Variants in SKAP1 observed in about 807,000 individuals in gnomAD.
SKAP1 encodes src kinase associated phosphoprotein 1.
Under a neutral mutation model 58.5 loss-of-function variants are expected in SKAP1, and 44 were observed. The ratio of observed to expected loss-of-function variants is 0.75; its 90% CI spans 0.59 to 0.97. The LOEUF (loss-of-function observed/expected upper bound fraction) is 0.97, where lower values mean the gene tolerates loss of function less well. Ranked by LOEUF, SKAP1 falls within the 50% of genes least tolerant of loss-of-function variation. The probability of loss-of-function intolerance (pLI) is 0.00; values close to 1 mark genes in which losing one functional copy is unlikely to be tolerated. For missense variants in SKAP1, 390 were observed against 435.2 expected, an observed-to-expected ratio of 0.90 and a Z score of 0.92; for synonymous variants, 127 against 149.7, an observed-to-expected ratio of 0.85 and a Z score of 1.11.
chr17:48,268,102 T>A (rs560245158), intron 4 of SKAP1, among the ~76,000 whole-genome samples: 1 of 151,982 alleles, frequency 6.6e-6, no homozygotes, highest in African/African-American at 2.4e-5. Flanking sequence ...TCTTTAGAGT[T>A]TCAAAAAAAA....
intron 8 of SKAP1, among the ~76,000 whole-genome samples, chr17:48,180,747 G>A (rs1008372045): frequency 2.6e-5 from 4 of 152,086 alleles, no homozygotes; most frequent in South Asian, 2.1e-4. Flanking sequence ...AAGTTTGTTC[G>A]CAGAGAAAAA....
chr17:48,171,186 C>G (rs2064210913), intron 9 of SKAP1, among the ~76,000 whole-genome samples: 1 of 148,910 alleles, frequency 6.7e-6, no homozygotes, highest in South Asian at 2.2e-4. Flanking sequence ...ACTGCAACCT[C>G]CACCTTCCGG....
At chr17:48,354,418 T>C (rs1367199218) in intron 3 of SKAP1, among the ~76,000 whole-genome samples, 1 of 152,220 alleles carries the variant, frequency 6.6e-6, no homozygotes, top group African/African-American at 2.4e-5. Flanking sequence ...ACAAGTAAAG[T>C]GCATAAATCT....
Position 48,203,609 on chromosome 17 carries a change from C to A in SKAP1, c.281-14109G>T, listed in dbSNP as rs1403627922. On this transcript the variant is annotated intron_variant, in intron 4 of 12. Coordinates refer to ENST00000336915, the MANE Select transcript of SKAP1 (RefSeq NM_003726.4). Reference sequence around the variant, plus strand: ...TCCCTTGTTATTGTTTGGTATAGCACCTTGGAAGCCTGAGATGGAAACCCA... The same window carrying A: ...TCCCTTGTTATTGTTTGGTATAGCAACTTGGAAGCCTGAGATGGAAACCCA... The A allele has an allele frequency of 2.6e-5, 4 of 152,052 alleles. No homozygotes were observed. In the East Asian group the frequency reaches 7.7e-4, roughly 29 times the overall value. 9.4% of individuals were successfully genotyped at this position (152,052 alleles called of 1,614,324 possible). A position where few individuals can be genotyped will look rare whatever the true frequency, so the allele number is the denominator to read the frequency against.
intron 4 of SKAP1, among the ~76,000 whole-genome samples, chr17:48,245,015 C>A (rs1032358322): frequency 3.9e-5 from 6 of 152,176 alleles, no homozygotes; most frequent in Non-Finnish European, 7.3e-5. Flanking sequence ...AGAGAAAGAA[C>A]ACACCCCTTT....
intron 4 of SKAP1, among the ~76,000 whole-genome samples, chr17:48,229,742 G>A (rs971781194): frequency 6.6e-6 from 1 of 151,962 alleles, no homozygotes; most frequent in African/African-American, 2.4e-5. Flanking sequence ...TATTTTGGCT[G>A]GTGCTAAACA....
chr17:48,227,792 G>A (rs1373341820), intron 4 of SKAP1, among the ~76,000 whole-genome samples: 1 of 152,176 alleles, frequency 6.6e-6, no homozygotes, highest in African/African-American at 2.4e-5. Context: ...CTGAATCCAG[G>A]TTCCAACCCT....
intron 10 of SKAP1, among the ~76,000 whole-genome samples, chr17:48,164,114 C>A (rs1187729971): frequency 1.3e-5 from 2 of 151,984 alleles, no homozygotes; most frequent in African/African-American, 4.8e-5. Flanking sequence ...ATTGAATAGA[C>A]AAAGCATTCA....
intron 4 of SKAP1, among the ~76,000 whole-genome samples, chr17:48,214,963 AAAT>A (rs924231664): frequency 6.6e-6 from 1 of 151,196 alleles, no homozygotes; most frequent in Non-Finnish European, 1.5e-5. Context: ...AAATAAAATA[AAAT>A]AAACAGATGG....
chr17:48,178,752 G>C (rs924878719), intron 9 of SKAP1, among the ~76,000 whole-genome samples: 2 of 152,166 alleles, frequency 1.3e-5, no homozygotes, highest in African/African-American at 4.8e-5. Context: ...ACGATGACTT[G>C]CTGAGGAAAT....
rs1283801825 is a variant in SKAP1 at position 48,180,174 on chromosome 17, C to A, written c.706G>T (p.Asp236Tyr). The A allele has an allele frequency of 8.1e-6, 13 of 1,613,850 alleles. No individual in the cohort carries two copies. The highest frequency in any genetic ancestry group is 1.1e-5 in the Non-Finnish European group (13 of 1,179,878). ...EEKEETYDDI[D>Y]GFDSPSCGSQ... is the part of the protein sequence containing the mutation. ...CCACAACTTGGGGAGTCAAAACCATCAATATCATCATATGTCTCTTCTTTT... is the reference window on the plus strand; with the variant it reads ...CCACAACTTGGGGAGTCAAAACCATAAATATCATCATATGTCTCTTCTTTT... The change falls in exon 9 of 13, where the codon GAT (aspartate) becomes TAT (tyrosine). Residue 236 changes from aspartate (D) to tyrosine (Y), a missense_variant. Asp to Tyr is a radical substitution (Grantham distance 160, BLOSUM62 -3). Transcript: ENST00000336915.
At chr17:48,277,649 A>G (rs541082236) in intron 4 of SKAP1, among the ~76,000 whole-genome samples, 100 of 152,310 alleles carry the variant, frequency 6.6e-4, no homozygotes, top group Non-Finnish European at 2.8e-4. Context: ...AAATCACTCA[A>G]TGAAAATAAA....
the SKAP1 span, among the ~76,000 whole-genome samples, chr17:48,441,124 C>G: frequency 3.5e-4 from 54 of 152,216 alleles, no homozygotes; most frequent in African/African-American, 1.2e-3. Flanking sequence ...AAAACAAAAA[C>G]CAAACAAACA....
intron 4 of SKAP1, among the ~76,000 whole-genome samples, chr17:48,323,624 T>C (rs2066396022): frequency 6.6e-6 from 1 of 152,162 alleles, no homozygotes; most frequent in South Asian, 2.1e-4. Context: ...TAAATGCATT[T>C]GTTGAGCATT....
chr17:48,269,154 C>A (rs2065595015), intron 4 of SKAP1, among the ~76,000 whole-genome samples: 1 of 151,774 alleles, frequency 6.6e-6, no homozygotes, highest in African/African-American at 2.4e-5. Context: ...TCACACTAAT[C>A]AAAATAAATT....
intron 11 of SKAP1, among the ~76,000 whole-genome samples, chr17:48,156,835 A>G (rs2063984162): frequency 6.6e-6 from 1 of 152,110 alleles, no homozygotes; most frequent in Non-Finnish European, 1.5e-5. Flanking sequence ...AAGCTCTCAG[A>G]CCAGGAAAGG....
rs577669210 is a variant in SKAP1, at chr17:48,246,847, G to A, written c.281-57347C>T. ...CTTGGGTGCATAACTTATCTCCCACGTCATCTCTCATGTGCCTTTGACACC... is the reference window on the plus strand; with the variant it reads ...CTTGGGTGCATAACTTATCTCCCACATCATCTCTCATGTGCCTTTGACACC... On this transcript the variant is annotated intron_variant, in intron 4 of 12. Transcript: ENST00000336915. Among the ~76,000 whole-genome samples the A allele has an allele frequency of 8.5e-5, 13 of 152,288 alleles. No homozygotes were observed. In the South Asian group the frequency reaches 2.3e-3, roughly 27 times the overall value.
At chr17:48,256,844 G>T (rs1233368852) in intron 4 of SKAP1, among the ~76,000 whole-genome samples, 1 of 151,954 alleles carries the variant, frequency 6.6e-6, no homozygotes, top group Non-Finnish European at 1.5e-5. Flanking sequence ...TATTAATGAT[G>T]GTGAAATACA....
chr17:48,362,012 G>A (rs966352311), intron 3 of SKAP1, among the ~76,000 whole-genome samples: 2 of 152,164 alleles, frequency 1.3e-5, no homozygotes, highest in Non-Finnish European at 2.9e-5. Flanking sequence ...TCATGAGACT[G>A]GGGGCTAGGG....
Sources: gnomAD v4.1 joint callset for allele counts (sites outside exome capture counted in the v4.1 genomes callset) on GRCh38, gnomAD v4.1.1 for gene constraint, MANE v1.5 for transcripts, NCBI Gene and HGNC (gene_info 2026-07-23, HGNC 2026-07-21) for gene names.